The following STYXL2 variants were observed in gnomAD, a reference collection of about 807,000 sequenced individuals.
STYXL2 encodes the protein serine/threonine/tyrosine interacting like 2.
A neutral mutation model predicts 52.4 loss-of-function variants in STYXL2; 44 were observed. The ratio of observed to expected loss-of-function variants is 0.84; its 90% CI spans 0.66 to 1.08. The LOEUF is 1.08. STYXL2 is among the 50% of genes least tolerant of loss of function. The pLI is 0.00. For synonymous variants in STYXL2, 604 were observed against 586.9 expected (o/e 1.03, Z -0.42); for missense variants, 1,604 against 1,471.7 (o/e 1.09, Z -1.47).
Position 167,128,317 on chromosome 1 carries a change from G to A in STYXL2, c.3186G>A (p.Trp1062Ter), listed in dbSNP as rs1571351592. ...CCCCAGAACCACAGCGCCCAAATTG[G>A]GCCAGGTCCAGGGACTGGGAAGATG... Reference protein sequence around the residue: ...EESPEPQRPNWARSRDWEDVE... With the variant: ...EESPEPQRPN Residue 1062 changes from tryptophan to a stop codon, truncating the protein, a stop_gained, in exon 6 of 6, where the codon TGG becomes TGA. Coordinates refer to ENST00000361200, the MANE Select transcript of STYXL2 (RefSeq NM_001080426.3). LOFTEE classifies it high-confidence loss of function. 1 of 1,613,960 alleles carries A rather than the reference G, an allele frequency of 6.2e-7. No homozygotes were observed. Among genetic ancestry groups the A allele is most frequent in the Non-Finnish European group, 8.5e-7 (1 of 1,179,910 alleles).
intron 2 of STYXL2, among the ~76,000 whole-genome samples, chr1:167,105,970 G>A (rs4656520): frequency 0.34 from 50,940 of 151,980 alleles, 9,827 homozygotes; most frequent in East Asian, 0.73. Context: ...GGCTCTTCAC[G>A]TATGATTTCT....
At chr1:167,120,616 C>CT (rs1023249078) in intron 5 of STYXL2, among the ~76,000 whole-genome samples, 3 of 143,988 alleles carry the variant, frequency 2.1e-5, no homozygotes, top group South Asian at 2.1e-4. Flanking sequence ...CACATATTTT[C>CT]TTTTTTTTAA....
rs781362677 is a variant in STYXL2, at chr1:167,126,219, A to G, written c.1088A>G (p.Asp363Gly). 2.6e-6 allele frequency: 4 copies of G among 1,542,320 alleles called. No homozygotes were observed. The highest frequency in any genetic ancestry group is 8.7e-7 in the Non-Finnish European group (1 of 1,150,118). ...QWKKGQGLLS[D>G]KVPQDGGGWR... ...AAGAAGGGGCAGGGCCTCCTCTCAG[A>G]CAAGGTCCCCCAGGATGGAGGTGGC... The change falls in exon 6 of 6, where the codon GAC (aspartate) becomes GGC (glycine). Residue 363 changes from aspartate (D) to glycine (G), a missense_variant. Transcript: ENST00000361200.
chr1:167,126,709 G>A lies in STYXL2; in HGVS notation c.1578G>A (p.Glu526=). ...REDDEDSVGS[E]ASSFYNFCSR... ...ATGATGAGGACAGCGTGGGCTCTGA[G>A]GCCAGTTCCTTCTACAACTTCTGCA... The change falls in exon 6 of 6, where the codon GAG becomes GAA. Residue 526 remains glutamate, a synonymous_variant. Coordinates refer to ENST00000361200, the MANE Select transcript of STYXL2 (RefSeq NM_001080426.3). 3 of 1,614,194 alleles carry A rather than the reference G, an allele frequency of 1.9e-6. No homozygotes were observed. The highest frequency in any genetic ancestry group is 2.5e-6 in the Non-Finnish European group (3 of 1,180,034).
chr1:167,098,325 A>T (rs1667335702), intron 2 of STYXL2, among the ~76,000 whole-genome samples: 1 of 151,936 alleles, frequency 6.6e-6, no homozygotes, highest in Admixed American at 6.6e-5. Context: ...TTTTTTAAGA[A>T]ATTAGCCAGG....
intron 5 of STYXL2, among the ~76,000 whole-genome samples, chr1:167,121,034 G>A (rs956046660): frequency 1.4e-5 from 2 of 142,850 alleles, no homozygotes; most frequent in African/African-American, 2.6e-5. Context: ...TTTTTTAGGC[G>A]GAGTCTCGCT....
At chr1:167,123,855 C>T (rs1479768544) in intron 5 of STYXL2, among the ~76,000 whole-genome samples, 2 of 152,318 alleles carry the variant, frequency 1.3e-5, no homozygotes, top group East Asian at 3.9e-4. Flanking sequence ...AATTCCTGGC[C>T]TCAAGTGATC....
Position 167,126,708 on chromosome 1 carries a change from AG to A in STYXL2, c.1579del (p.Ala527ProfsTer50). 1 of 1,614,212 alleles carries A rather than the reference AG, an allele frequency of 6.2e-7. No individual in the cohort carries two copies. ...REDDEDSVGS[E>X]ASSFYNFCSR... ...GATGATGAGGACAGCGTGGGCTCTG[AG>A]GCCAGTTCCTTCTACAACTTCTGCA... is the stretch of plus-strand genomic sequence containing the variant. On this transcript the variant is annotated frameshift_variant, in exon 6 of 6. Coordinates refer to ENST00000361200, the MANE Select transcript of STYXL2 (RefSeq NM_001080426.3). LOFTEE classifies it low-confidence loss of function (END_TRUNC).
At chr1:167,116,125 T>A (rs1423724232) in intron 3 of STYXL2, among the ~76,000 whole-genome samples, 1 of 152,210 alleles carries the variant, frequency 6.6e-6, no homozygotes, top group Non-Finnish European at 1.5e-5. Flanking sequence ...TTCTTTTCTC[T>A]CTCTCTCTCT....
intron 2 of STYXL2, among the ~76,000 whole-genome samples, chr1:167,099,437 C>G (rs940100753): frequency 6.6e-6 from 1 of 152,154 alleles, no homozygotes; most frequent in Non-Finnish European, 1.5e-5. Context: ...CAAAATAGAT[C>G]ATATACTGGG....
chr1:167,116,586 G>A (rs545197087), intron 3 of STYXL2, among the ~76,000 whole-genome samples: 8 of 150,832 alleles, frequency 5.3e-5, no homozygotes, highest in African/African-American at 1.9e-4. Flanking sequence ...AACTAACAGA[G>A]TGAATTATAC....
chr1:167,104,166 G>A (rs918886986), intron 2 of STYXL2, among the ~76,000 whole-genome samples: 6 of 151,132 alleles, frequency 4.0e-5, no homozygotes, highest in African/African-American at 1.5e-4. Flanking sequence ...ACCTCTGCCC[G>A]TCCCCCCACC....
In STYXL2 at chr1:167,125,996, G is replaced by C; in HGVS notation, c.865G>C (p.Glu289Gln). 6.2e-7 allele frequency: 1 copy of C among 1,611,472 alleles called. No homozygotes were observed. Residue 289 changes from glutamate to glutamine, a missense_variant, in exon 6 of 6, where the codon GAG (glutamate) becomes CAG (glutamine). Coordinates refer to ENST00000361200, the MANE Select transcript of STYXL2 (RefSeq NM_001080426.3). ...GGAGAGAGAAGAGGACTATGGCCGGGAGGGGGGATCAGCTGAGGCTGAGGA... is the reference window on the plus strand; with the variant it reads ...GGAGAGAGAAGAGGACTATGGCCGGCAGGGGGGATCAGCTGAGGCTGAGGA... ...MEEREEDYGREGGSAEAEEGE... is the reference protein window; with the variant it reads ...MEEREEDYGRQGGSAEAEEGE...
intron 2 of STYXL2, among the ~76,000 whole-genome samples, chr1:167,106,409 G>A (rs925046379): frequency 6.6e-6 from 1 of 152,202 alleles, no homozygotes; most frequent in Non-Finnish European, 1.5e-5. Context: ...GAGAAATGTG[G>A]TGCTGTGCAA....
intron 4 of STYXL2, 105 bp downstream of exon 4, chr1:167,117,664 C>T (rs995102513): frequency 2.9e-6 from 3 of 1,044,428 alleles, no homozygotes; most frequent in Non-Finnish European, 4.2e-6. Context: ...TAGGTCCATC[C>T]AGCACAATGA....
Position 167,094,942 on chromosome 1 carries a change from A to G in STYXL2, c.93A>G (p.Arg31=), listed in dbSNP as rs2102216527. 6.2e-7 allele frequency: 1 copy of G among 1,606,600 alleles called. No homozygotes were observed. Among genetic ancestry groups the G allele is most frequent in the Non-Finnish European group, 8.5e-7 (1 of 1,177,082 alleles). Residue 31 remains arginine (R), a synonymous_variant, in exon 2 of 6, where the codon CGA becomes CGG. Coordinates refer to ENST00000361200, the MANE Select transcript of STYXL2 (RefSeq NM_001080426.3). ...NVRAVQAHYL[R]SPSPSQYSMV... is the part of the protein sequence containing the mutation. The stretch of plus-strand genomic sequence containing the variant: ...GGGCGGTGCAGGCCCACTACCTCCG[A>G]AGCCCCTCCCCTAGCCAGTAAGTGA...
chr1:167,111,858 T>G (rs903356390), intron 2 of STYXL2, among the ~76,000 whole-genome samples: 3 of 152,070 alleles, frequency 2.0e-5, no homozygotes, highest in Non-Finnish European at 2.9e-5. Context: ...CATGTCCATG[T>G]AACCAAACCT....
chr1:167,127,180 C>A lies in STYXL2; in HGVS notation c.2049C>A (p.Ser683Arg). Reference protein sequence around the residue: ...GDTTSVLSTQSHRSHLSQAAS... With the variant: ...GDTTSVLSTQRHRSHLSQAAS... ...CGACGTCAGTACTGAGCACCCAGAG[C>A]CACCGCTCCCACCTGTCTCAGGCTG... The change falls in exon 6 of 6, where the codon AGC becomes AGA. Residue 683 changes from serine (S) to arginine (R), a missense_variant. Transcript: ENST00000361200. The A allele has an allele frequency of 6.2e-7, 1 of 1,614,160 alleles. No homozygotes were observed. Among genetic ancestry groups the A allele is most frequent in the Non-Finnish European group, 8.5e-7 (1 of 1,179,988 alleles).
intron 5 of STYXL2, among the ~76,000 whole-genome samples, chr1:167,122,551 G>A (rs1314971976): frequency 6.6e-6 from 1 of 151,990 alleles, no homozygotes; most frequent in African/African-American, 2.4e-5. Context: ...GAATTGGGAG[G>A]GTATAGCACA....
Sources: gnomAD v4.1 joint callset for allele counts (sites outside exome capture counted in the v4.1 genomes callset) on GRCh38, gnomAD v4.1.1 for gene constraint, MANE v1.5 for transcripts, NCBI Gene and HGNC (gene_info 2026-07-23, HGNC 2026-07-21) for gene names.